The following TMED10 variants were observed in gnomAD, a reference collection of about 807,000 sequenced individuals.
TMED10 encodes transmembrane emp24 domain-containing protein 10.
Under a neutral mutation model 23.1 loss-of-function variants are expected in TMED10, and 7 were observed. The observed-to-expected ratio is 0.30, with a 90% CI of 0.17 to 0.57. The LOEUF (loss-of-function observed/expected upper bound fraction) is 0.57, where lower values mean the gene tolerates loss of function less well. TMED10 is among the 20% of genes least tolerant of loss of function. TMED10 has a pLI of 0.91. For missense variants in TMED10, 162 were observed against 274.8 expected (o/e 0.59, Z 2.90); for synonymous variants, 113 against 106.9 (o/e 1.06, Z -0.35).
chr14:75,173,027 T>C, intron 1 of TMED10, among the ~76,000 whole-genome samples: 1 of 152,230 alleles, frequency 6.6e-6, no homozygotes, highest in Middle Eastern at 3.2e-3. Flanking sequence ...TGCTGAAACC[T>C]GGCTGATGAA....
intron 3 of TMED10, among the ~76,000 whole-genome samples, chr14:75,140,378 C>T (rs544603620): frequency 1.5e-3 from 220 of 151,666 alleles, no homozygotes; most frequent in African/African-American, 5.1e-3. Flanking sequence ...GGATTACAGG[C>T]GTGAGCCACT....
chr14:75,169,770 A>G (rs890038394), intron 1 of TMED10, among the ~76,000 whole-genome samples: 3 of 152,172 alleles, frequency 2.0e-5, no homozygotes. Context: ...CAGCTGCCTA[A>G]AGCAGGGGTG....
At chr14:75,135,465 A>G (rs1234421391) in intron 4 of TMED10, among the ~76,000 whole-genome samples, 2 of 152,194 alleles carry the variant, frequency 1.3e-5, no homozygotes, top group Non-Finnish European at 2.9e-5. Context: ...AATAAAAATA[A>G]AAGTTCATTA....
At chr14:75,160,847 C>T (rs921831846) in intron 1 of TMED10, among the ~76,000 whole-genome samples, 1 of 152,104 alleles carries the variant, frequency 6.6e-6, no homozygotes, top group Non-Finnish European at 1.5e-5. Flanking sequence ...GAGTTTGAGA[C>T]CAGCCTGACC....
At chr14:75,136,575 A>G (rs1433897567) in intron 3 of TMED10, among the ~76,000 whole-genome samples, 2 of 152,216 alleles carry the variant, frequency 1.3e-5, no homozygotes, top group Admixed American at 1.3e-4. Flanking sequence ...TTTTAGAAGA[A>G]AAACCACTAA....
intron 3 of TMED10, chr14:75,139,128 C>G (rs942844788): frequency 2.2e-6 from 1 of 453,224 alleles, no homozygotes; most frequent in African/African-American, 2.0e-5. Context: ...TGCTTATAAA[C>G]TTGATGTATT....
At chr14:75,149,212 T>C (rs1895926250) in intron 2 of TMED10, among the ~76,000 whole-genome samples, 1 of 152,218 alleles carries the variant, frequency 6.6e-6, no homozygotes, top group African/African-American at 2.4e-5. Flanking sequence ...CCACTGTGCC[T>C]GGCGGAGAAG....
At chr14:75,152,382 GGAT>G (rs917400916) in intron 1 of TMED10, among the ~76,000 whole-genome samples, 20 of 152,224 alleles carry the variant, frequency 1.3e-4, no homozygotes, top group African/African-American at 4.6e-4. Context: ...TGCTGCTATA[GGAT>G]GTCTTACCAT....
chr14:75,152,410 C>T (rs750920732), intron 1 of TMED10, among the ~76,000 whole-genome samples: 1 of 152,222 alleles, frequency 6.6e-6, no homozygotes, highest in Non-Finnish European at 1.5e-5. Context: ...AAAAGTTAAT[C>T]TAGCTAATGC....
intron 3 of TMED10, among the ~76,000 whole-genome samples, chr14:75,138,062 C>T (rs1895775213): frequency 6.6e-6 from 1 of 152,118 alleles, no homozygotes; most frequent in African/African-American, 2.4e-5. Flanking sequence ...CTGTACATTC[C>T]CTATGGCCCA....
chr14:75,140,849 C>T (rs1895813323), intron 3 of TMED10, among the ~76,000 whole-genome samples: 1 of 151,980 alleles, frequency 6.6e-6, no homozygotes, highest in Admixed American at 6.6e-5. Context: ...TGCTGGAGAC[C>T]AGGCTGGGCA....
intron 1 of TMED10, among the ~76,000 whole-genome samples, chr14:75,164,575 A>ATTTTTTT (rs1261635916): frequency 3.4e-5 from 1 of 29,774 alleles, no homozygotes; most frequent in Non-Finnish European, 5.4e-5. Context: ...ATATATATAT[A>ATTTTTTT]TATTTTTTTT....
intron 3 of TMED10, among the ~76,000 whole-genome samples, chr14:75,141,195 G>A (rs1171802717): frequency 6.6e-6 from 1 of 152,106 alleles, no homozygotes; most frequent in African/African-American, 2.4e-5. Flanking sequence ...ACAGGAAGTG[G>A]GTGAGCTGGG....
intron 3 of TMED10, among the ~76,000 whole-genome samples, chr14:75,144,726 A>G (rs1191994161): frequency 1.3e-5 from 2 of 152,216 alleles, no homozygotes; most frequent in Non-Finnish European, 2.9e-5. Flanking sequence ...AAGCCTCTCC[A>G]TTATCTCAAG....
intron 1 of TMED10, among the ~76,000 whole-genome samples, chr14:75,164,519 C>T (rs1276126176): frequency 7.3e-6 from 1 of 136,708 alleles, no homozygotes; most frequent in Non-Finnish European, 1.5e-5. Context: ...GCGTGAGCCA[C>T]TGCACCTGGC....
chr14:75,172,953 A>G (rs956131334), intron 1 of TMED10, among the ~76,000 whole-genome samples: 3 of 152,180 alleles, frequency 2.0e-5, no homozygotes, highest in Admixed American at 6.5e-5. Flanking sequence ...GGAGTGGCAA[A>G]GCAGTGGTGA....
chr14:75,137,326 A>T (rs374938402), intron 3 of TMED10, among the ~76,000 whole-genome samples: 1 of 150,672 alleles, frequency 6.6e-6, no homozygotes, highest in East Asian at 2.0e-4. Flanking sequence ...CCAGATCTTA[A>T]AACTTTTACA....
intron 1 of TMED10, among the ~76,000 whole-genome samples, chr14:75,156,187 G>A (rs566621951): frequency 6.6e-6 from 1 of 152,286 alleles, no homozygotes; most frequent in East Asian, 1.9e-4. Context: ...GAGATAAGGA[G>A]GTGGGTTGGG....
intron 1 of TMED10, among the ~76,000 whole-genome samples, chr14:75,175,750 GAAAAA>G (rs1004486680): frequency 3.6e-5 from 5 of 137,570 alleles, no homozygotes; most frequent in African/African-American, 8.0e-5. Flanking sequence ...TAATAATTTT[GAAAAA>G]AAAAAAAGAA....
Sources: allele counts gnomAD v4.1 joint callset (sites outside exome capture counted in the v4.1 genomes callset), GRCh38; gene constraint gnomAD v4.1.1; transcripts MANE v1.5; gene names NCBI Gene and HGNC (gene_info 2026-07-23, HGNC 2026-07-21).